ALAS2: variants seen among roughly 807,000 people sequenced by gnomAD.
The protein encoded by ALAS2 is 5'-aminolevulinate synthase 2.
ALAS2 carries 3 observed loss-of-function variants against 33.7 expected under a neutral mutation model. That is an observed-to-expected ratio of 0.09 (90% CI 0.04 to 0.23). The LOEUF (loss-of-function observed/expected upper bound fraction) is 0.23. ALAS2 is among the 10% of genes least tolerant of loss of function. ALAS2 has a pLI of 1.00. For missense variants in ALAS2, 304 were observed against 475.1 expected, an observed-to-expected ratio of 0.64 and a Z score of 3.35; for synonymous variants, 191 against 177.3, an observed-to-expected ratio of 1.08 and a Z score of -0.61.
chrX:55,024,178 T>TTA (rs1324351223), intron 3 of ALAS2, among the ~76,000 whole-genome samples: 3 of 112,166 alleles, frequency 2.7e-5, no homozygotes, highest in Non-Finnish European at 5.6e-5. Context: ...ATAATGTACC[T>TTA]TACTCTTCTT....
intron 1 of ALAS2, 109 bp from the exon 2 acceptor site, chrX:55,026,124 G>A: frequency 3.1e-6 from 2 of 647,502 alleles, no homozygotes; most frequent in Non-Finnish European, 4.8e-6. Flanking sequence ...CCTCCGAGAT[G>A]CTCTTATTGC....
At chrX:55,024,612 A>G in intron 3 of ALAS2, 106 bp downstream of exon 3, 1 of 1,081,274 alleles carries the variant, frequency 9.2e-7, no homozygotes, top group South Asian at 1.9e-5. Context: ...ACTTCTCATC[A>G]TGGGATGTGT....
chrX:55,030,792 G>GAGAT, intron 1 of ALAS2, 150 bp downstream of exon 1: 1 of 170,583 alleles, frequency 5.9e-6, no homozygotes, highest in African/African-American at 3.0e-5. Flanking sequence ...AGAGACATGG[G>GAGAT]AGATAAAAAG....
At position 55,013,555 on chromosome X, in the gene ALAS2, G is replaced by C. The variant is rs929097904; in HGVS notation, c.1531C>G (p.Arg511Gly). The change falls in exon 10 of 11, where the codon CGG (arginine) becomes GGG (glycine). Residue 511 changes from arginine (R) to glycine (G), a missense_variant. Transcript: ENST00000650242. ...GCCAAGCGCAGGAGCTCTTCACCCCGGGGGACAGTTGGGTAGTTGATGGCC... is the reference window on the plus strand; with the variant it reads ...GCCAAGCGCAGGAGCTCTTCACCCCCGGGGACAGTTGGGTAGTTGATGGCC... The part of the protein sequence containing the change: ...VQAINYPTVP[R>G]GEELLRLAPS... The C allele has an allele frequency of 1.7e-6, 2 of 1,211,128 alleles. No homozygotes were observed. Among genetic ancestry groups the C allele is most frequent in the Admixed American group, 2.2e-5 (1 of 45,969 alleles).
At chrX:55,023,968 T>A in intron 3 of ALAS2, 101 bp from the exon 4 acceptor site, 1 of 693,808 alleles carries the variant, frequency 1.4e-6, no homozygotes, top group Admixed American at 2.6e-5. Context: ...AAAATTCAAG[T>A]TTATAAGGTA....
At chrX:55,027,667 T>C in intron 1 of ALAS2, 1 of 957,113 alleles carries the variant, frequency 1.0e-6, no homozygotes. Context: ...GAGGGACAGG[T>C]CAGCTCATGG....
chrX:55,010,816 C>G (rs1935590177), intron 10 of ALAS2, among the ~76,000 whole-genome samples: 1 of 111,511 alleles, frequency 9.0e-6, no homozygotes, highest in Non-Finnish European at 1.9e-5. Flanking sequence ...TTTTACTACC[C>G]CTTCCACTAG....
chrX:55,018,778 GGGTGGGGT>G, intron 6 of ALAS2, among the ~76,000 whole-genome samples: 1 of 111,081 alleles, frequency 9.0e-6, no homozygotes, highest in African/African-American at 3.3e-5. Flanking sequence ...CCAGGGCTGA[GGGTGGGGT>G]GACAAAGATA....
chrX:55,015,018 G>A lies in ALAS2; in HGVS notation c.1169-3C>T, dbSNP rs1383588909. The A allele has an allele frequency of 1.7e-6, 2 of 1,207,641 alleles. No individual in the cohort carries two copies. Among genetic ancestry groups the A allele is most frequent in the African/African-American group, 3.5e-5 (2 of 57,271 alleles). On this transcript the variant is annotated splice_region_variant and splice_polypyrimidine_tract_variant and intron_variant, in intron 8 of 10. Coordinates refer to ENST00000650242, the MANE Select transcript of ALAS2 (RefSeq NM_000032.5). Reference sequence around the variant, plus strand: ...GCCCACACAGCCAAAGGCCTTGCCTGGAGACAGAAAGGAATAAGATATACA... The same window carrying A: ...GCCCACACAGCCAAAGGCCTTGCCTAGAGACAGAAAGGAATAAGATATACA...
At chrX:55,023,565 A>T (rs1935842620) in intron 4 of ALAS2, among the ~76,000 whole-genome samples, 192 bp downstream of exon 4, 1 of 111,231 alleles carries the variant, frequency 9.0e-6, no homozygotes. Context: ...TGAGGTAGGT[A>T]TTAAATGCCA....
chrX:55,029,576 C>A (rs1935954665), intron 1 of ALAS2, among the ~76,000 whole-genome samples: 1 of 111,327 alleles, frequency 9.0e-6, no homozygotes, highest in Non-Finnish European at 1.9e-5. Flanking sequence ...CATTTATCTC[C>A]TCTGCTGCAC....
intron 9 of ALAS2, among the ~76,000 whole-genome samples, chrX:55,014,433 C>A (rs770548813): frequency 9.0e-6 from 1 of 111,135 alleles, no homozygotes; most frequent in African/African-American, 3.3e-5. Context: ...TAATGATAAC[C>A]CACTAAGCTG....
chrX:55,028,720 A>T (rs1367945068), intron 1 of ALAS2, among the ~76,000 whole-genome samples: 1 of 111,771 alleles, frequency 8.9e-6, no homozygotes, highest in African/African-American at 3.3e-5. Flanking sequence ...CTGCCTGGCC[A>T]TCATTATACC....
chrX:55,015,726 G>A lies in ALAS2; in HGVS notation c.1020C>T (p.Leu340=), dbSNP rs773826377. The change falls in exon 8 of 11, where the codon CTC becomes CTT. Residue 340 remains leucine, a synonymous_variant. Transcript: ENST00000650242. Reference sequence around the variant, plus strand: ...GGTGGGACACATCACACAACTCCTCGAGGGGACAGATGGCACCTGAGCAAA... The same window carrying A: ...GGTGGGACACATCACACAACTCCTCAAGGGGACAGATGGCACCTGAGCAAA... The part of the protein sequence containing the change: ...VHSMDGAICP[L]EELCDVSHQY... 14 of 1,211,034 alleles carry A rather than the reference G, an allele frequency of 1.2e-5. No individual in the cohort carries two copies. Among genetic ancestry groups the A allele is most frequent in the South Asian group, 1.8e-5 (1 of 56,893 alleles).
At chrX:55,030,454 TGAG>T (rs1935976440) in intron 1 of ALAS2, among the ~76,000 whole-genome samples, 1 of 111,398 alleles carries the variant, frequency 9.0e-6, no homozygotes, top group Non-Finnish European at 1.9e-5. Flanking sequence ...TCTGACCCAC[TGAG>T]CTCTGCTGTC....
In ALAS2 at chrX:55,013,579, C is replaced by G; in HGVS notation, c.1507G>C (p.Ala503Pro). 1 of 1,211,361 alleles carries G rather than the reference C, an allele frequency of 8.3e-7. No individual in the cohort carries two copies. Among genetic ancestry groups the G allele is most frequent in the South Asian group, 1.8e-5 (1 of 56,967 alleles). ...CGGGGGACAGTTGGGTAGTTGATGG[C>G]CTGCACATAGATGCCATGCTTGGAG... ...LLSKHGIYVQAINYPTVPRGE... is the reference protein window; with the variant it reads ...LLSKHGIYVQPINYPTVPRGE... Residue 503 changes from alanine (A) to proline (P), a missense_variant, in exon 10 of 11, where the codon GCC becomes CCC. Ala to Pro is a conservative substitution (Grantham distance 27). This residue lies in a region of ALAS2 where 95 missense variants were observed against 127.0 expected (regional missense o/e 0.75). Transcript: ENST00000650242.
At chrX:55,027,760 C>A (rs1159493036) in intron 1 of ALAS2, 2 of 1,211,509 alleles carry the variant, frequency 1.7e-6, no homozygotes, top group Non-Finnish European at 2.2e-6. Flanking sequence ...CCTCACAAAA[C>A]AACCTCTTTT....
chrX:55,017,717 C>T (rs1935728684), intron 6 of ALAS2, 52 bp from the exon 7 acceptor site: 1 of 1,163,235 alleles, frequency 8.6e-7, no homozygotes, highest in Non-Finnish European at 1.2e-6. Flanking sequence ...ACTCCCACTT[C>T]AACCTTCAGG....
intron 6 of ALAS2, among the ~76,000 whole-genome samples, chrX:55,019,654 A>C (rs1397145675): frequency 9.0e-6 from 1 of 111,556 alleles, no homozygotes; most frequent in African/African-American, 3.3e-5. Context: ...CGGAATTGAT[A>C]TAGTGAAGAT....
Sources: gnomAD v4.1 joint callset for allele counts (sites outside exome capture counted in the v4.1 genomes callset) on GRCh38, gnomAD v4.1.1 for gene constraint, gnomAD v4.1.1 regional missense constraint, MANE v1.5 for transcripts, NCBI Gene and HGNC (gene_info 2026-07-23, HGNC 2026-07-21) for gene names.